Variants in TOP6BL observed in about 807,000 individuals in gnomAD.
The protein encoded by TOP6BL is type 2 DNA topoisomerase 6 subunit B-like.
the TOP6BL span, among the ~76,000 whole-genome samples, chr11:66,835,059 T>G: frequency 2.0e-5 from 3 of 152,016 alleles, no homozygotes. Context: ...GAAATAAATG[T>G]CCCATAGAAT....
At chr11:66,778,093 C>CTT in the TOP6BL span, among the ~76,000 whole-genome samples, 3 of 137,260 alleles carry the variant, frequency 2.2e-5, no homozygotes, top group Non-Finnish European at 3.2e-5. Flanking sequence ...TCTTTTCTTT[C>CTT]TTTTTTTTTT....
At chr11:66,784,987 G>A in the TOP6BL span, among the ~76,000 whole-genome samples, 16 of 115,954 alleles carry the variant, frequency 1.4e-4, no homozygotes, top group South Asian at 4.0e-3. Context: ...TGAGAGTCTC[G>A]CTCTATCGCC....
chr11:66,796,315 G>A, the TOP6BL span: 3 of 1,610,988 alleles, frequency 1.9e-6, no homozygotes, highest in South Asian at 2.2e-5. Context: ...ATGACAGATT[G>A]TCTGGTTATA....
At chr11:66,780,763 G>A in the TOP6BL span, among the ~76,000 whole-genome samples, 1 of 151,946 alleles carries the variant, frequency 6.6e-6, no homozygotes, top group Non-Finnish European at 1.5e-5. Context: ...TTGATTTTTA[G>A]TAGAGACAGG....
chr11:66,760,752 C>T, the TOP6BL span, among the ~76,000 whole-genome samples: 1 of 149,084 alleles, frequency 6.7e-6, no homozygotes, highest in South Asian at 2.1e-4. Flanking sequence ...TGTAGTAAGC[C>T]GTGATCACAC....
chr11:66,814,261 T>C, the TOP6BL span, among the ~76,000 whole-genome samples: 1 of 151,784 alleles, frequency 6.6e-6, no homozygotes, highest in Non-Finnish European at 1.5e-5. Flanking sequence ...TGCTTGTTTT[T>C]GTTTTTGTTT....
the TOP6BL span, among the ~76,000 whole-genome samples, chr11:66,810,091 AATAATT>A: frequency 6.6e-6 from 1 of 152,186 alleles, no homozygotes; most frequent in African/African-American, 2.4e-5. Context: ...AGAGGAACAA[AATAATT>A]ATGGCAGATT....
chr11:66,799,354 C>G, the TOP6BL span, among the ~76,000 whole-genome samples: 1 of 148,200 alleles, frequency 6.7e-6, no homozygotes, highest in Non-Finnish European at 1.5e-5. Context: ...CCACTGCACT[C>G]CAGGCTGGGA....
chr11:66,826,679 T>A, the TOP6BL span, among the ~76,000 whole-genome samples: 24 of 152,098 alleles, frequency 1.6e-4, no homozygotes, highest in South Asian at 4.8e-3. Context: ...TTTTTTTATT[T>A]TTTATTTATT....
the TOP6BL span, chr11:66,842,688 A>G: frequency 2.9e-6 from 2 of 694,438 alleles, no homozygotes; most frequent in Non-Finnish European, 4.7e-6. Context: ...GCTGCTCCAG[A>G]AGCGCCCACA....
the TOP6BL span, among the ~76,000 whole-genome samples, chr11:66,765,665 G>A: frequency 6.6e-6 from 1 of 152,112 alleles, no homozygotes; most frequent in African/African-American, 2.4e-5. Flanking sequence ...ACAAGCGCCT[G>A]CCACCACGGC....
At chr11:66,779,775 A>G in the TOP6BL span, among the ~76,000 whole-genome samples, 89 of 152,296 alleles carry the variant, frequency 5.8e-4, no homozygotes, top group African/African-American at 1.9e-3. Context: ...ATGTCCAACA[A>G]TGATAGACTG....
At chr11:66,771,883 A>G in the TOP6BL span, among the ~76,000 whole-genome samples, 1 of 152,230 alleles carries the variant, frequency 6.6e-6, no homozygotes, top group Non-Finnish European at 1.5e-5. Flanking sequence ...CACTGCCAGA[A>G]CATCCATGAA....
chr11:66,802,319 A>AT, the TOP6BL span, among the ~76,000 whole-genome samples: 1 of 151,988 alleles, frequency 6.6e-6, no homozygotes, highest in Admixed American at 6.6e-5. Context: ...CGCCCAGCTA[A>AT]TTTTTTTGTA....
At chr11:66,748,545 T>G in the TOP6BL span, 2 of 1,496,188 alleles carry the variant, frequency 1.3e-6, no homozygotes, top group Non-Finnish European at 1.8e-6. Flanking sequence ...AAATATTTTC[T>G]ATCTCTTTTG....
At chr11:66,797,020 G>T in the TOP6BL span, among the ~76,000 whole-genome samples, 1 of 146,410 alleles carries the variant, frequency 6.8e-6, no homozygotes, top group Non-Finnish European at 1.5e-5. Context: ...TTTTTTTTGA[G>T]ACAGAGTCTT....
the TOP6BL span, among the ~76,000 whole-genome samples, chr11:66,776,426 A>G: frequency 6.6e-6 from 1 of 152,182 alleles, no homozygotes; most frequent in Non-Finnish European, 1.5e-5. Flanking sequence ...ATAGAATAGC[A>G]GGGGTAATAT....
chr11:66,784,184 C>T, the TOP6BL span, among the ~76,000 whole-genome samples: 1 of 152,094 alleles, frequency 6.6e-6, no homozygotes, highest in East Asian at 1.9e-4. Context: ...GCGCCTGCCA[C>T]CAAGCCTGGC....
chr11:66,798,255 A>C, the TOP6BL span, among the ~76,000 whole-genome samples: 1 of 152,168 alleles, frequency 6.6e-6, no homozygotes, highest in Non-Finnish European at 1.5e-5. Flanking sequence ...AAAGCATGGA[A>C]TGTTCCACAT....
Sources: gnomAD v4.1 joint callset for allele counts (sites outside exome capture counted in the v4.1 genomes callset) on GRCh38, gnomAD v4.1.1 for gene constraint, MANE v1.5 for transcripts, NCBI Gene and HGNC (gene_info 2026-07-23, HGNC 2026-07-21) for gene names.